The following RAPH1 variants were observed in gnomAD, a reference collection of about 807,000 sequenced individuals.
RAPH1 encodes Ras association (RalGDS/AF-6) and pleckstrin homology domains 1, also known as ras-associated and pleckstrin homology domains-containing protein 1.
RAPH1 carries 18 observed loss-of-function variants against 88.1 expected under a neutral mutation model. The ratio of observed to expected loss-of-function variants is 0.20; its 90% CI spans 0.14 to 0.30. RAPH1 has a LOEUF of 0.30. Among genes scored for constraint, RAPH1 ranks in the 10% least tolerant of loss-of-function variants. The probability of loss-of-function intolerance (pLI) is 1.00; values close to 1 mark genes in which losing one functional copy is unlikely to be tolerated. For missense variants in RAPH1, 1,448 were observed against 1,543.2 expected, an observed-to-expected ratio of 0.94 and a Z score of 1.03; for synonymous variants, 587 against 559.0, an observed-to-expected ratio of 1.05 and a Z score of -0.71.
At chr2:203,457,167 ATATTT>A (rs773017165) in intron 8 of RAPH1, among the ~76,000 whole-genome samples, 18 of 151,726 alleles carry the variant, frequency 1.2e-4, no homozygotes, top group East Asian at 1.9e-4. Context: ...AAGGTATTTA[ATATTT>A]TATTTTATTT....
chr2:203,475,133 C>T (rs1314283895), intron 4 of RAPH1, among the ~76,000 whole-genome samples: 3 of 149,670 alleles, frequency 2.0e-5, no homozygotes, highest in Admixed American at 6.7e-5. Flanking sequence ...TATGGCCGGG[C>T]GCAGTGACTC....
At chr2:203,452,700 G>A (rs1013406424) in intron 10 of RAPH1, among the ~76,000 whole-genome samples, 3 of 152,128 alleles carry the variant, frequency 2.0e-5, no homozygotes, top group Admixed American at 6.6e-5. Flanking sequence ...AGTAGCTCAC[G>A]CCTATAATCC....
chr2:203,499,158 C>T (rs1396825633), intron 1 of RAPH1, among the ~76,000 whole-genome samples: 4 of 152,168 alleles, frequency 2.6e-5, no homozygotes, highest in Admixed American at 1.3e-4. Context: ...CCAAAGCTAG[C>T]GTGTTTTAAA....
chr2:203,450,287 C>T (rs1385075785), intron 10 of RAPH1, among the ~76,000 whole-genome samples: 1 of 151,924 alleles, frequency 6.6e-6, no homozygotes, highest in Non-Finnish European at 1.5e-5. Context: ...CAGAGCTCAG[C>T]TCCTATAACA....
chr2:203,490,192 A>G, intron 3 of RAPH1, 103 bp from the exon 4 acceptor site: 1 of 1,147,324 alleles, frequency 8.7e-7, no homozygotes, highest in African/African-American at 1.6e-5. Context: ...TGTTGGGCCT[A>G]AAGCAAATAA....
At chr2:203,523,645 T>A (rs1195140444) in intron 1 of RAPH1, among the ~76,000 whole-genome samples, 1 of 151,948 alleles carries the variant, frequency 6.6e-6, no homozygotes, top group Non-Finnish European at 1.5e-5. Context: ...ACACTAACCA[T>A]AAAAGGAAAA....
Position 203,440,326 on chromosome 2 carries a change from G to A in RAPH1, c.2864C>T (p.Ser955Phe). ...CGTCTTACTGGTCTTTTTGCCTGGAGATCCACTTTTGTCAGGGGTAGGAGA... is the reference window on the plus strand; with the variant it reads ...CGTCTTACTGGTCTTTTTGCCTGGAAATCCACTTTTGTCAGGGGTAGGAGA... ...TASPTPDKSG[S>F]PGKKTSKTSS... The change falls in exon 14 of 14, where the codon TCT becomes TTT. Residue 955 changes from serine to phenylalanine, a missense_variant. By Grantham distance (155) the Ser-to-Phe change is radical. Around this residue, in one of 2 missense-constraint regions of RAPH1, gnomAD observed 935 missense variants for 890.1 expected, o/e 1.05. Coordinates refer to ENST00000319170, the MANE Select transcript of RAPH1 (RefSeq NM_213589.3). 8 of 1,612,288 alleles carry A rather than the reference G, an allele frequency of 5.0e-6. No individual in the cohort carries two copies. Among genetic ancestry groups the A allele is most frequent in the Non-Finnish European group, 6.8e-6 (8 of 1,179,068 alleles).
intron 4 of RAPH1, among the ~76,000 whole-genome samples, chr2:203,482,439 G>C (rs1262019276): frequency 1.3e-5 from 2 of 152,114 alleles, no homozygotes; most frequent in African/African-American, 4.8e-5. Flanking sequence ...GCCTGCCTTG[G>C]CCTCCCAAAG....
chr2:203,448,646 C>T lies in RAPH1; in HGVS notation c.1512+92G>A. ...ACGTAGGCACTGGCAAATCCATGAA[C>T]ATGAAATAGTCAGAATAGTTGTCAT... is the stretch of plus-strand genomic sequence containing the variant. On this transcript the variant is annotated intron_variant, in intron 11 of 13. Coordinates refer to ENST00000319170, the MANE Select transcript of RAPH1 (RefSeq NM_213589.3). The surrounding 1 kb of genome is among the most constrained non-coding windows in gnomAD (Gnocchi z 4.1). The T allele has an allele frequency of 2.5e-6, 2 of 787,014 alleles. No homozygotes were observed. Among genetic ancestry groups the T allele is most frequent in the Non-Finnish European group, 3.9e-6 (2 of 508,076 alleles). 48.8% of individuals were successfully genotyped at this position (787,014 alleles called of 1,614,324 possible). A position where few individuals can be genotyped will look rare whatever the true frequency, so the allele number is the denominator to read the frequency against.
intron 2 of RAPH1, among the ~76,000 whole-genome samples, chr2:203,492,472 A>T (rs915135778): frequency 2.0e-5 from 3 of 152,160 alleles, no homozygotes; most frequent in African/African-American, 4.8e-5. Context: ...AAGGAGGGCA[A>T]ATTGCAACCC....
At chr2:203,456,605 AAATT>A (rs1389569941) in intron 8 of RAPH1, among the ~76,000 whole-genome samples, 2 of 152,246 alleles carry the variant, frequency 1.3e-5, no homozygotes, top group African/African-American at 4.8e-5. Flanking sequence ...ATTTGGGCCT[AAATT>A]AATTTTTCTC....
rs144418634 is a variant in RAPH1 at position 203,449,472 on chromosome 2, C to G, written c.1414-636G>C. ...CTTCACATTTAGTTTTCACAACCCA[C>G]TGTACTTTTCAGTTGAGGCTTGGAT... On this transcript the variant is annotated intron_variant, in intron 10 of 13. Transcript: ENST00000319170. Among the ~76,000 whole-genome samples the G allele has an allele frequency of 4.3e-3, 650 of 152,334 alleles. 4 individuals carry two copies. Among genetic ancestry groups the G allele is most frequent in the African/African-American group, 0.014 (571 of 41,572 alleles).
At chr2:203,478,355 CA>C (rs542170090) in intron 4 of RAPH1, among the ~76,000 whole-genome samples, 114 of 152,020 alleles carry the variant, frequency 7.5e-4, no homozygotes, top group African/African-American at 2.6e-3. Flanking sequence ...ACTTTTTAAC[CA>C]AAAAGGTTTT....
chr2:203,509,315 C>T (rs1006173237), intron 1 of RAPH1, among the ~76,000 whole-genome samples: 1 of 151,992 alleles, frequency 6.6e-6, no homozygotes, highest in African/African-American at 2.4e-5. Context: ...ACCACCTTGG[C>T]CTCCCAAAGT....
intron 4 of RAPH1, among the ~76,000 whole-genome samples, chr2:203,463,990 A>G (rs949921758): frequency 2.0e-5 from 3 of 152,228 alleles, no homozygotes; most frequent in Admixed American, 1.3e-4. Context: ...CTGCAATACT[A>G]GCATTTTCCA....
Position 203,495,268 on chromosome 2 carries a change from C to G in RAPH1, c.86G>C (p.Gly29Ala), listed in dbSNP as rs1360340517. Residue 29 changes from glycine (G) to alanine (A), a missense_variant, in exon 2 of 14, where the codon GGA becomes GCA. Gly to Ala is a moderately conservative substitution (Grantham distance 60). This residue lies in a region of RAPH1 where 513 missense variants were observed against 653.1 expected (regional missense o/e 0.79). Transcript: ENST00000319170. Reference protein sequence around the residue: ...KEDQDLDKMFGAWLGELDKLT... With the variant: ...KEDQDLDKMFAAWLGELDKLT... ...TTTGTCTAGTTCTCCAAGCCAGGCTCCAAACATTTTGTCCAGGTCCTGATC... is the reference window on the plus strand; with the variant it reads ...TTTGTCTAGTTCTCCAAGCCAGGCTGCAAACATTTTGTCCAGGTCCTGATC... 2 of 1,614,118 alleles carry G rather than the reference C, an allele frequency of 1.2e-6. No homozygotes were observed. Among genetic ancestry groups the G allele is most frequent in the Non-Finnish European group, 1.7e-6 (2 of 1,180,010 alleles).
Position 203,439,117 on chromosome 2 carries a change from G to A in RAPH1, c.*320C>T. 8.0e-6 allele frequency: 2 copies of A among 250,714 alleles called. No homozygotes were observed. Among genetic ancestry groups the A allele is most frequent in the South Asian group, 2.0e-4 (2 of 10,044 alleles). 15.5% of individuals were successfully genotyped at this position (250,714 alleles called of 1,614,324 possible). On this transcript the variant is annotated 3_prime_UTR_variant, in exon 14 of 14. Coordinates refer to ENST00000319170, the MANE Select transcript of RAPH1 (RefSeq NM_213589.3). Reference sequence around the variant, plus strand: ...AATCCACATGATATAGAAATCTTAAGAGACAACACACATCCCCTTCTATGC... The same window carrying A: ...AATCCACATGATATAGAAATCTTAAAAGACAACACACATCCCCTTCTATGC...
chr2:203,520,861 T>C (rs1689836154), intron 1 of RAPH1, among the ~76,000 whole-genome samples: 1 of 152,124 alleles, frequency 6.6e-6, no homozygotes, highest in Admixed American at 6.6e-5. Flanking sequence ...GAACCAGCAA[T>C]ACCACTTCTA....
At chr2:203,458,820 T>C (rs1367598790) in intron 7 of RAPH1, among the ~76,000 whole-genome samples, 8 of 151,996 alleles carry the variant, frequency 5.3e-5, no homozygotes, top group Non-Finnish European at 1.2e-4. Flanking sequence ...TGGAGTGCAG[T>C]GGCACAATCT....
Sources: gnomAD v4.1 joint callset for allele counts (sites outside exome capture counted in the v4.1 genomes callset) on GRCh38, gnomAD v4.1.1 for gene constraint, gnomAD v4.1.1 regional missense constraint, Gnocchi (gnomAD v3.1) non-coding constraint, MANE v1.5 for transcripts, NCBI Gene and HGNC (gene_info 2026-07-23, HGNC 2026-07-21) for gene names.